The following ITPKA variants were observed in gnomAD, a reference collection of about 807,000 sequenced individuals.
ITPKA encodes inositol-trisphosphate 3-kinase A, also known as IP3 3-kinase A.
A neutral mutation model predicts 40.7 loss-of-function variants in ITPKA; 16 were observed. That is an observed-to-expected ratio of 0.39 (90% CI 0.27 to 0.60). The LOEUF (loss-of-function observed/expected upper bound fraction) is 0.60, where lower values mean the gene tolerates loss of function less well. Among genes scored for constraint, ITPKA ranks in the 20% least tolerant of loss-of-function variants. The pLI is 0.50. For synonymous variants in ITPKA, 313 were observed against 289.9 expected (o/e 1.08, Z -0.81); for missense variants, 540 against 649.3 (o/e 0.83, Z 1.83).
Position 41,502,514 on chromosome 15 carries a change from G to A in ITPKA, c.1110+11G>A, listed in dbSNP as rs376004382. The A allele has an allele frequency of 6.0e-6, 9 of 1,494,410 alleles. No individual in the cohort carries two copies. The African/African-American group carries it at 1.1e-4, about 18-fold the overall frequency. The allele number at this position is 1,494,410 out of a possible 1,614,324, so 92.6% of individuals were successfully genotyped here. A position where few individuals can be genotyped will look rare whatever the true frequency, so the allele number is the denominator to read the frequency against. On this transcript the variant is annotated intron_variant, in intron 5 of 6. Coordinates refer to ENST00000260386, the MANE Select transcript of ITPKA (RefSeq NM_002220.3). The stretch of plus-strand genomic sequence containing the variant: ...GATGAGGAAGTGCTGGTGAGAGCGG[G>A]ATCCCAAACCCTGAGGTGTTGGGGA...
At chr15:41,495,175 T>TA (rs1252890167) in intron 1 of ITPKA, among the ~76,000 whole-genome samples, 1 of 152,224 alleles carries the variant, frequency 6.6e-6, no homozygotes, top group Non-Finnish European at 1.5e-5. Context: ...TGGGCACTGT[T>TA]AAGTCATTCC....
Position 41,503,301 on chromosome 15 carries a change from G to C in ITPKA, c.*135G>C. ...CCGGGTCCTGCAGGACCAGGTGCCAGCCACTAAGGGGGGGCACCGCCGATG... is the reference window on the plus strand; with the variant it reads ...CCGGGTCCTGCAGGACCAGGTGCCACCCACTAAGGGGGGGCACCGCCGATG... On this transcript the variant is annotated 3_prime_UTR_variant, in exon 7 of 7. Transcript: ENST00000260386. 2.9e-6 allele frequency: 2 copies of C among 688,700 alleles called. No individual in the cohort carries two copies. Among genetic ancestry groups the C allele is most frequent in the Non-Finnish European group, 4.8e-6 (2 of 416,618 alleles). The allele number at this position is 688,700 out of a possible 1,614,324, so 42.7% of individuals were successfully genotyped here. A position where few individuals can be genotyped will look rare whatever the true frequency, so the allele number is the denominator to read the frequency against.
intron 5 of ITPKA, 40 bp from the exon 6 acceptor site, chr15:41,502,748 T>G: frequency 2.0e-6 from 3 of 1,536,448 alleles, no homozygotes; most frequent in Non-Finnish European, 1.8e-6. Context: ...CATTTGGCGT[T>G]TAGTTAATTT....
intron 4 of ITPKA, 77 bp downstream of exon 4, chr15:41,502,278 G>T: frequency 1.0e-6 from 1 of 972,850 alleles, no homozygotes; most frequent in Non-Finnish European, 1.5e-6. Context: ...CTCCCGCCCC[G>T]CCTGCCCCTC....
At chr15:41,497,943 G>A (rs1305991134) in intron 1 of ITPKA, among the ~76,000 whole-genome samples, 1 of 152,084 alleles carries the variant, frequency 6.6e-6, no homozygotes, top group Non-Finnish European at 1.5e-5. Flanking sequence ...CTTGAGGCCA[G>A]GAGTTTGAGA....
At chr15:41,500,229 G>T (rs1318372683) in intron 1 of ITPKA, among the ~76,000 whole-genome samples, 1 of 152,212 alleles carries the variant, frequency 6.6e-6, no homozygotes, top group Non-Finnish European at 1.5e-5. Flanking sequence ...AAAGTGCTGG[G>T]ATTACAGGCA....
At chr15:41,502,374 G>T in intron 4 of ITPKA, 28 bp from the exon 5 acceptor site, 3 of 1,526,136 alleles carry the variant, frequency 2.0e-6, no homozygotes, top group Non-Finnish European at 2.7e-6. Context: ...CGGGCCCGGG[G>T]CCCCTGACAC....
chr15:41,497,865 C>CA (rs910103072), intron 1 of ITPKA, among the ~76,000 whole-genome samples: 2 of 151,238 alleles, frequency 1.3e-5, no homozygotes, highest in South Asian at 2.1e-4. Flanking sequence ...ACTAAAAATA[C>CA]AAAAAAAATG....
At chr15:41,499,722 C>T (rs184499609) in intron 1 of ITPKA, among the ~76,000 whole-genome samples, 2 of 152,200 alleles carry the variant, frequency 1.3e-5, no homozygotes, top group South Asian at 2.1e-4. Context: ...TGTGGGGAGG[C>T]GGCAGACACA....
Position 41,503,107 on chromosome 15 carries a change from G to C in ITPKA, c.1327G>C (p.Gly443Arg). 6.2e-7 allele frequency: 1 copy of C among 1,604,478 alleles called. No homozygotes were observed. Among genetic ancestry groups the C allele is most frequent in the Non-Finnish European group, 8.5e-7 (1 of 1,172,452 alleles). ...CTGGGAGGAGGGCAACCGCGAGGAC[G>C]GCTATTTGCTGGGGCTGGACAATCT... The part of the protein sequence containing the change: ...RPWEEGNRED[G>R]YLLGLDNLIG... The change falls in exon 7 of 7, where the codon GGC becomes CGC. Residue 443 changes from glycine (G) to arginine (R), a missense_variant. Transcript: ENST00000260386.
In ITPKA at chr15:41,494,079, C is replaced by A; in HGVS notation, c.152C>A (p.Ala51Glu). 8.0e-7 allele frequency: 1 copy of A among 1,249,960 alleles called. No homozygotes were observed. The highest frequency in any genetic ancestry group is 1.0e-6 in the Non-Finnish European group (1 of 999,910). The allele number at this position is 1,249,960 out of a possible 1,614,324, so 77.4% of individuals were successfully genotyped here. ...GCGGCGGTCGCTGCGGCCGCCGCCG[C>A]GGGGGAGCCCCGGGCCCGCGGGGCC... ...RCAAVAAAAA[A>E]GEPRARGAKR... The change falls in exon 1 of 7, where the codon GCG (alanine) becomes GAG (glutamate). Residue 51 changes from alanine (A) to glutamate (E), a missense_variant. Transcript: ENST00000260386. The surrounding 1 kb of genome is among the most constrained non-coding windows in gnomAD (Gnocchi z 7.8).
chr15:41,498,344 T>TA (rs1252309851), intron 1 of ITPKA, among the ~76,000 whole-genome samples: 1 of 151,132 alleles, frequency 6.6e-6, no homozygotes, highest in Non-Finnish European at 1.5e-5. Flanking sequence ...TGTAACCTGC[T>TA]AGCTAGGACT....
Position 41,494,241 on chromosome 15 carries a change from G to A in ITPKA, c.314G>A (p.Cys105Tyr). 1 of 1,542,500 alleles carries A rather than the reference G, an allele frequency of 6.5e-7. No homozygotes were observed. The highest frequency in any genetic ancestry group is 8.7e-7 in the Non-Finnish European group (1 of 1,151,942). ...GGGCCGCCGGAGCGGGAGAGGGACTGCCTCCCGGCAGCGGGCTCTTCGCAC... is the reference window on the plus strand; with the variant it reads ...GGGCCGCCGGAGCGGGAGAGGGACTACCTCCCGGCAGCGGGCTCTTCGCAC... ...SPGPPERERDCLPAAGSSHLQ... is the reference protein window; with the variant it reads ...SPGPPERERDYLPAAGSSHLQ... The change falls in exon 1 of 7, where the codon TGC (cysteine) becomes TAC (tyrosine). Residue 105 changes from cysteine (C) to tyrosine (Y), a missense_variant. Physicochemically the swap from Cys to Tyr is radical, Grantham distance 194. Transcript: ENST00000260386. The surrounding 1 kb of genome is among the most constrained non-coding windows in gnomAD (Gnocchi z 7.8).
chr15:41,494,048 C>G lies in ITPKA; in HGVS notation c.121C>G (p.Arg41Gly). 1 of 1,216,984 alleles carries G rather than the reference C, an allele frequency of 8.2e-7. No homozygotes were observed. The highest frequency in any genetic ancestry group is 1.0e-6 in the Non-Finnish European group (1 of 979,702). 75.4% of individuals were successfully genotyped at this position (1,216,984 alleles called of 1,614,324 possible). ...VGELRLLFEA[R>G]CAAVAAAAAA... ...GGAGCTGCGCCTGCTCTTCGAGGCG[C>G]GCTGTGCGGCGGTCGCTGCGGCCGC... The change falls in exon 1 of 7, where the codon CGC (arginine) becomes GGC (glycine). Residue 41 changes from arginine (R) to glycine (G), a missense_variant. Transcript: ENST00000260386. This position sits in a 1 kb window ranked among gnomAD's most constrained non-coding sequence, Gnocchi z 7.8.
At chr15:41,502,693 G>A (rs998990840) in intron 5 of ITPKA, 95 bp from the exon 6 acceptor site, 1 of 1,243,574 alleles carries the variant, frequency 8.0e-7, no homozygotes, top group African/African-American at 1.5e-5. Flanking sequence ...GGCGGCATTT[G>A]CCAAGCACAG....
At chr15:41,495,506 G>A (rs2051064654) in intron 1 of ITPKA, among the ~76,000 whole-genome samples, 1 of 152,228 alleles carries the variant, frequency 6.6e-6, no homozygotes, top group African/African-American at 2.4e-5. Flanking sequence ...CCCGGAGGCC[G>A]ATGGGGTTTG....
intron 1 of ITPKA, among the ~76,000 whole-genome samples, chr15:41,498,790 G>T (rs1023694182): frequency 6.6e-6 from 1 of 152,172 alleles, no homozygotes; most frequent in Non-Finnish European, 1.5e-5. Context: ...ACTTCACCAC[G>T]CACAAAGCAC....
Position 41,494,124 on chromosome 15 carries a change from TC to T in ITPKA, c.201del (p.Asn68ThrfsTer11). ...GGGGCCAAGCGGCGTGGGGGACAGG[TC>T]CCCAACGGGCTTCCGCGGGCTCCCC... ...ARGAKRRGGQ[V>X]PNGLPRAPPA... On this transcript the variant is annotated frameshift_variant, in exon 1 of 7. Transcript: ENST00000260386. LOFTEE classifies it high-confidence loss of function. The surrounding 1 kb of genome is among the most constrained non-coding windows in gnomAD (Gnocchi z 7.8). The T allele has an allele frequency of 7.0e-7, 1 of 1,429,280 alleles. No homozygotes were observed. The highest frequency in any genetic ancestry group is 9.2e-7 in the Non-Finnish European group (1 of 1,092,758). 88.5% of individuals were successfully genotyped at this position (1,429,280 alleles called of 1,614,324 possible).
chr15:41,502,777 A>G lies in ITPKA; in HGVS notation c.1111-11A>G. On this transcript the variant is annotated splice_polypyrimidine_tract_variant and intron_variant, in intron 5 of 6. Transcript: ENST00000260386. Reference sequence around the variant, plus strand: ...TTAATTTGCCCTCCTCTCCCACCCCACCCTCTGCAGAGGCGGTATCTGAAC... The same window carrying G: ...TTAATTTGCCCTCCTCTCCCACCCCGCCCTCTGCAGAGGCGGTATCTGAAC... The G allele has an allele frequency of 6.3e-7, 1 of 1,598,400 alleles. No homozygotes were observed. The highest frequency in any genetic ancestry group is 8.5e-7 in the Non-Finnish European group (1 of 1,170,630).
Sources: gnomAD v4.1 joint callset for allele counts (sites outside exome capture counted in the v4.1 genomes callset) on GRCh38, gnomAD v4.1.1 for gene constraint, Gnocchi (gnomAD v3.1) non-coding constraint, MANE v1.5 for transcripts, NCBI Gene and HGNC (gene_info 2026-07-23, HGNC 2026-07-21) for gene names.